The following SLC6A3 variants were observed in gnomAD, a reference collection of about 807,000 sequenced individuals.
SLC6A3 encodes the protein sodium-dependent dopamine transporter.
Under a neutral mutation model 70.4 loss-of-function variants are expected in SLC6A3, and 19 were observed. The ratio of observed to expected loss-of-function variants is 0.27; its 90% CI spans 0.19 to 0.40. SLC6A3 has a LOEUF of 0.40. Ranked by LOEUF, SLC6A3 falls within the 10% of genes least tolerant of loss-of-function variation. The pLI, the probability that SLC6A3 is intolerant of heterozygous loss-of-function variation, is 1.00. For synonymous variants in SLC6A3, 368 were observed against 356.6 expected (o/e 1.03, Z -0.36); for missense variants, 613 against 838.5 (o/e 0.73, Z 3.32).
At chr5:1,425,168 C>T (rs1756550661) in intron 4 of SLC6A3, among the ~76,000 whole-genome samples, 1 of 152,180 alleles carries the variant, frequency 6.6e-6, no homozygotes, top group Non-Finnish European at 1.5e-5. Flanking sequence ...AATTCCTGGC[C>T]ATGATTCAAT....
Position 1,438,944 on chromosome 5 carries a change from C to T in SLC6A3, c.418+2415G>A, listed in dbSNP as rs115537042. On this transcript the variant is annotated intron_variant, in intron 3 of 14. Transcript: ENST00000270349. The surrounding 1 kb of genome is among the most constrained non-coding windows in gnomAD (Gnocchi z 6.5). The stretch of plus-strand genomic sequence containing the variant: ...CTGAGCCCTCAGATACTCTCCAACA[C>T]GGACCACGGTGCAAGCTCAGCATCG... Among the ~76,000 whole-genome samples the T allele has an allele frequency of 9.9e-3, 1,501 of 152,336 alleles. 18 individuals are homozygous for T. The highest frequency in any genetic ancestry group is 0.034 in the African/African-American group (1,412 of 41,568).
At chr5:1,395,459 G>A (rs72715516) in intron 14 of SLC6A3, among the ~76,000 whole-genome samples, 2,512 of 152,300 alleles carry the variant, frequency 0.016, 24 homozygotes, top group Non-Finnish European at 0.027. Context: ...ACAAAACCAC[G>A]CCGGCCATGG....
Position 1,397,534 on chromosome 5 carries a change from A to G in SLC6A3, c.1840-2776T>C, listed in dbSNP as rs1252910360. On this transcript the variant is annotated intron_variant, in intron 14 of 14. Coordinates refer to ENST00000270349, the MANE Select transcript of SLC6A3 (RefSeq NM_001044.5). The surrounding 1 kb of genome is among the most constrained non-coding windows in gnomAD (Gnocchi z 4.7). ...AAGCAGAAGAAACTCGGCCGAGTGC[A>G]GGGGTGAGGACAGAGCCCACCACAG... 6.6e-6 allele frequency among the ~76,000 whole-genome samples: 1 copy of G among 152,202 alleles called. No individual in the cohort carries two copies. Among genetic ancestry groups the G allele is most frequent in the Non-Finnish European group, 1.5e-5 (1 of 68,034 alleles).
At chr5:1,444,244 T>G (rs888940267) in intron 1 of SLC6A3, among the ~76,000 whole-genome samples, 1 of 152,024 alleles carries the variant, frequency 6.6e-6, no homozygotes. Context: ...AACGGCTACA[T>G]AAACCCCCCT....
chr5:1,393,352 AATT>A lies in SLC6A3; in HGVS notation c.*1380_*1382del, dbSNP rs1198820048. 2.8e-4 allele frequency: 42 copies of A among 152,482 alleles called. No individual in the cohort carries two copies. The allele number at this position is 152,482 out of a possible 1,614,324, so 9.4% of individuals were successfully genotyped here. A position where few individuals can be genotyped will look rare whatever the true frequency, so the allele number is the denominator to read the frequency against. On this transcript the variant is annotated 3_prime_UTR_variant, in exon 15 of 15. Coordinates refer to ENST00000270349, the MANE Select transcript of SLC6A3 (RefSeq NM_001044.5). ...CCAACATCCTTCACTCAGTATTGCT[AATT>A]ATTCTTGTAAACAAAAACTGCAATA...
Position 1,397,440 on chromosome 5 carries a change from A to G in SLC6A3, c.1840-2682T>C, listed in dbSNP as rs1755747735. Among the ~76,000 whole-genome samples, 1 of 151,510 alleles carries G rather than the reference A, an allele frequency of 6.6e-6. No individual in the cohort carries two copies. On this transcript the variant is annotated intron_variant, in intron 14 of 14. Transcript: ENST00000270349. The surrounding 1 kb of genome is among the most constrained non-coding windows in gnomAD (Gnocchi z 4.7). ...AGCGAGACTCCGTCTCAAAACAAAC[A>G]AACAAACAAACAAACAAACAAAAAA...
chr5:1,408,920 C>T lies in SLC6A3; in HGVS notation c.1498+106G>A, dbSNP rs1756049305. ...GGAGCTGTGATGACCACAACCCAGG[C>T]TTCCTGCAGCTGAAAGGTGTTTCCT... On this transcript the variant is annotated intron_variant, in intron 11 of 14. Transcript: ENST00000270349. The surrounding 1 kb of genome is among the most constrained non-coding windows in gnomAD (Gnocchi z 6.4). 6 of 788,916 alleles carry T rather than the reference C, an allele frequency of 7.6e-6. No individual in the cohort carries two copies. Among genetic ancestry groups the T allele is most frequent in the Non-Finnish European group, 1.1e-5 (5 of 456,312 alleles). The allele number at this position is 788,916 out of a possible 1,614,324, so 48.9% of individuals were successfully genotyped here.
intron 7 of SLC6A3, 28 bp downstream of exon 7, chr5:1,416,070 C>T: frequency 6.5e-7 from 1 of 1,532,612 alleles, no homozygotes; most frequent in Non-Finnish European, 9.0e-7. Flanking sequence ...ATTGATGAGG[C>T]CCCTGCCTGG....
chr5:1,441,502 A>T lies in SLC6A3; in HGVS notation c.287-12T>A, dbSNP rs1434123833. On this transcript the variant is annotated splice_polypyrimidine_tract_variant and intron_variant, in intron 2 of 14. Coordinates refer to ENST00000270349, the MANE Select transcript of SLC6A3 (RefSeq NM_001044.5). ...GACCAGGAAGGCACCTGTGGGGCAG[A>T]AAAGCACCTTTAGTTTGGGGCCTCG... 2 of 1,613,624 alleles carry T rather than the reference A, an allele frequency of 1.2e-6. No homozygotes were observed. Among genetic ancestry groups the T allele is most frequent in the Non-Finnish European group, 1.7e-6 (2 of 1,179,788 alleles).
At chr5:1,418,275 A>G (rs1441990710) in intron 6 of SLC6A3, among the ~76,000 whole-genome samples, 5 of 152,018 alleles carry the variant, frequency 3.3e-5, no homozygotes, top group Admixed American at 1.3e-4. Context: ...GCCAGTGCCC[A>G]TGGCTGCCTC....
chr5:1,442,906 A>G lies in SLC6A3; in HGVS notation c.286+6T>C. ...GCATGCTCAGGGAGGCTGAGATGGG[A>G]CTTACCGCCACCATTTTTGTAGCAC... On this transcript the variant is annotated splice_donor_region_variant and intron_variant, in intron 2 of 14. Coordinates refer to ENST00000270349, the MANE Select transcript of SLC6A3 (RefSeq NM_001044.5). This position sits in a 1 kb window ranked among gnomAD's most constrained non-coding sequence, Gnocchi z 5.0. 1 of 1,614,040 alleles carries G rather than the reference A, an allele frequency of 6.2e-7. No individual in the cohort carries two copies. The highest frequency in any genetic ancestry group is 1.1e-5 in the South Asian group (1 of 91,074).
chr5:1,398,071 T>C (rs2126312870), intron 14 of SLC6A3, among the ~76,000 whole-genome samples: 2 of 152,272 alleles, frequency 1.3e-5, no homozygotes, highest in East Asian at 3.9e-4. Flanking sequence ...ATTAAAGGAA[T>C]AGAATAAGTC....
intron 6 of SLC6A3, among the ~76,000 whole-genome samples, chr5:1,419,195 C>G (rs1756378284): frequency 6.6e-6 from 1 of 151,008 alleles, no homozygotes; most frequent in Non-Finnish European, 1.5e-5. Context: ...TACCTATCAT[C>G]CATTCCTCCA....
intron 3 of SLC6A3, among the ~76,000 whole-genome samples, chr5:1,439,264 C>T (rs908231074): frequency 7.1e-6 from 1 of 140,306 alleles, no homozygotes; most frequent in Non-Finnish European, 1.5e-5. Context: ...GCCAAGGGGT[C>T]GTCTGGCACC....
intron 10 of SLC6A3, 57 bp downstream of exon 10, chr5:1,409,664 G>A (rs112121702): frequency 5.7e-5 from 92 of 1,607,158 alleles, no homozygotes; most frequent in Middle Eastern, 4.9e-4. Flanking sequence ...AGGGCGCCCC[G>A]TGCCACGTGC....
At chr5:1,434,410 G>A (rs1028735190) in intron 3 of SLC6A3, among the ~76,000 whole-genome samples, 1 of 152,214 alleles carries the variant, frequency 6.6e-6, no homozygotes, top group African/African-American at 2.4e-5. Context: ...GTCCTTTCCA[G>A]GATCACAGAC....
intron 4 of SLC6A3, among the ~76,000 whole-genome samples, chr5:1,422,374 AGTGCTGCC>A (rs1756460427): frequency 8.6e-6 from 1 of 116,702 alleles, no homozygotes; most frequent in Non-Finnish European, 1.8e-5. Context: ...ACCACTGCCC[AGTGCTGCC>A]CAAGGTGCTG....
chr5:1,400,837 C>A lies in SLC6A3; in HGVS notation c.1839+78G>T, dbSNP rs1579699340. The A allele has an allele frequency of 5.7e-6, 6 of 1,056,620 alleles. No homozygotes were observed. The East Asian group carries it at 1.6e-4, about 27-fold the overall frequency. The allele number at this position is 1,056,620 out of a possible 1,614,324, so 65.5% of individuals were successfully genotyped here. On this transcript the variant is annotated intron_variant, in intron 14 of 14. Coordinates refer to ENST00000270349, the MANE Select transcript of SLC6A3 (RefSeq NM_001044.5). ...CACCATCTACACCAGCCTCGGAGCC[C>A]CCTGGGGGCTAAGAACACTGAGCTT...
At chr5:1,431,050 G>C (rs1192810739) in intron 4 of SLC6A3, among the ~76,000 whole-genome samples, 1 of 151,918 alleles carries the variant, frequency 6.6e-6, no homozygotes, top group African/African-American at 2.4e-5. Flanking sequence ...CTGGATCTGG[G>C]GAGAATCGCG....
Sources: allele counts gnomAD v4.1 joint callset (sites outside exome capture counted in the v4.1 genomes callset), GRCh38; gene constraint gnomAD v4.1.1; non-coding constraint Gnocchi (gnomAD v3.1); transcripts MANE v1.5; gene names NCBI Gene and HGNC (gene_info 2026-07-23, HGNC 2026-07-21).